The following SYNPO2 variants were observed in gnomAD, a reference collection of about 807,000 sequenced individuals.
The protein encoded by SYNPO2 is synaptopodin 2, also known as synaptopodin-2.
A neutral mutation model predicts 85.0 loss-of-function variants in SYNPO2; 56 were observed. That is an observed-to-expected ratio of 0.66 (90% CI 0.53 to 0.82). The LOEUF (loss-of-function observed/expected upper bound fraction) is 0.82, where lower values mean the gene tolerates loss of function less well. Among genes scored for constraint, SYNPO2 ranks in the 40% least tolerant of loss-of-function variants. SYNPO2 has a pLI of 0.00. For synonymous variants in SYNPO2, 602 were observed against 591.1 expected (o/e 1.02, Z -0.27); for missense variants, 1,575 against 1,534.2 (o/e 1.03, Z -0.44).
chr4:118,970,510 T>A (rs1487674553), intron 1 of SYNPO2, among the ~76,000 whole-genome samples: 1 of 152,198 alleles, frequency 6.6e-6, no homozygotes, highest in Non-Finnish European at 1.5e-5. Flanking sequence ...CTGTAATAAC[T>A]TGATACCTCC....
intron 1 of SYNPO2, among the ~76,000 whole-genome samples, chr4:118,956,944 C>G (rs1436523317): frequency 1.3e-5 from 2 of 151,838 alleles, no homozygotes; most frequent in Non-Finnish European, 2.9e-5. Flanking sequence ...ACTTGGGAGG[C>G]TGAGGCAGGA....
intron 4 of SYNPO2, among the ~76,000 whole-genome samples, chr4:119,049,829 C>T (rs555333869): frequency 5.9e-5 from 9 of 152,262 alleles, no homozygotes; most frequent in Admixed American, 2.6e-4. Flanking sequence ...TGCAGAGCCC[C>T]GGATATCTCA....
chr4:118,999,173 G>A (rs1393859190), intron 1 of SYNPO2, among the ~76,000 whole-genome samples: 1 of 152,046 alleles, frequency 6.6e-6, no homozygotes, highest in Non-Finnish European at 1.5e-5. Context: ...TTCGAGACAG[G>A]GTCTCACTCT....
intron 2 of SYNPO2, among the ~76,000 whole-genome samples, chr4:119,026,181 T>C (rs1278729519): frequency 6.6e-6 from 1 of 152,128 alleles, no homozygotes; most frequent in African/African-American, 2.4e-5. Flanking sequence ...ACTAGTTGAG[T>C]TATCTGTAAG....
chr4:118,907,555 T>C (rs943111613), intron 1 of SYNPO2, among the ~76,000 whole-genome samples: 1 of 152,198 alleles, frequency 6.6e-6, no homozygotes, highest in African/African-American at 2.4e-5. Context: ...AAAGGAGTCA[T>C]TGGTATACTT....
At chr4:119,032,675 G>A (rs192564533) in intron 4 of SYNPO2, 85 of 982,540 alleles carry the variant, frequency 8.7e-5, no homozygotes, top group Non-Finnish European at 9.7e-5. Context: ...TATGTATTAG[G>A]TTCTTTGCCA....
intron 1 of SYNPO2, among the ~76,000 whole-genome samples, chr4:118,859,499 AC>A (rs1304562871): frequency 6.6e-6 from 1 of 152,158 alleles, no homozygotes; most frequent in Non-Finnish European, 1.5e-5. Flanking sequence ...ACTAGCAAAT[AC>A]CAGGTCTTAT....
intron 1 of SYNPO2, among the ~76,000 whole-genome samples, chr4:118,976,039 T>C (rs1186400200): frequency 6.6e-6 from 1 of 152,204 alleles, no homozygotes; most frequent in Non-Finnish European, 1.5e-5. Flanking sequence ...TTTGAAATCT[T>C]TCTTGCCCAA....
intron 4 of SYNPO2, among the ~76,000 whole-genome samples, chr4:119,055,368 T>C (rs1262293218): frequency 1.3e-5 from 2 of 152,190 alleles, no homozygotes; most frequent in Non-Finnish European, 2.9e-5. Context: ...TTGGCCAGGC[T>C]GGTCTTGAAC....
intron 1 of SYNPO2, among the ~76,000 whole-genome samples, chr4:118,948,586 C>T (rs1367816507): frequency 2.0e-5 from 3 of 152,168 alleles, no homozygotes; most frequent in Admixed American, 2.0e-4. Flanking sequence ...CCAGCATCTG[C>T]TTCTGGTGAG....
intron 1 of SYNPO2, among the ~76,000 whole-genome samples, chr4:118,949,812 G>A (rs191795606): frequency 1.3e-3 from 205 of 151,952 alleles, no homozygotes; most frequent in African/African-American, 4.7e-3. Flanking sequence ...TGAACTAGGG[G>A]CTTCTACACA....
In SYNPO2 at chr4:119,030,157, A is replaced by G; in HGVS notation, c.1382A>G (p.Asn461Ser). 4.3e-6 allele frequency: 7 copies of G among 1,614,172 alleles called. No individual in the cohort carries two copies. Among genetic ancestry groups the G allele is most frequent in the Non-Finnish European group, 5.9e-6 (7 of 1,180,032 alleles). The change falls in exon 4 of 5, where the codon AAC (asparagine) becomes AGC (serine). Residue 461 changes from asparagine to serine, a missense_variant. Asn to Ser is a conservative substitution (Grantham distance 46). This residue lies in a region of SYNPO2 where 1,508 missense variants were observed against 1,446.8 expected (regional missense o/e 1.04). Transcript: ENST00000307142. The part of the protein sequence containing the change: ...SDVDDNTQVV[N>S]FDWDSGLVDI... ...GTTGACGACAACACACAAGTTGTGA[A>G]CTTTGACTGGGATTCTGGACTGGTG... is the stretch of plus-strand genomic sequence containing the variant.
intron 1 of SYNPO2, among the ~76,000 whole-genome samples, chr4:118,908,091 C>T (rs1331960102): frequency 6.6e-6 from 1 of 152,102 alleles, no homozygotes; most frequent in Non-Finnish European, 1.5e-5. Flanking sequence ...GAGATGAATA[C>T]TTTTGTATAT....
chr4:119,011,254 C>G (rs190613508), intron 1 of SYNPO2, among the ~76,000 whole-genome samples: 4 of 152,284 alleles, frequency 2.6e-5, no homozygotes, highest in African/African-American at 9.6e-5. Context: ...TGCAGCAGCA[C>G]CTGGGGTAGT....
At position 119,033,706 on chromosome 4, in the gene SYNPO2, C is replaced by T. The variant is rs116221891; in HGVS notation, c.3252+1679C>T. On this transcript the variant is annotated intron_variant, in intron 4 of 4. Transcript: ENST00000307142. ...GTCAATCTGCTATATTTTTCACTAT[C>T]CTATTAAAATATTACTGTCTCCTTT... is the stretch of plus-strand genomic sequence containing the variant. The T allele has an allele frequency of 1.4e-3, 1,330 of 985,182 alleles. 14 individuals are homozygous for T. In the African/African-American group the frequency reaches 0.022, roughly 16 times the overall value. 61.0% of individuals were successfully genotyped at this position (985,182 alleles called of 1,614,324 possible). A position where few individuals can be genotyped will look rare whatever the true frequency, so the allele number is the denominator to read the frequency against.
At chr4:118,982,136 A>G (rs144327115) in intron 1 of SYNPO2, among the ~76,000 whole-genome samples, 6 of 152,350 alleles carry the variant, frequency 3.9e-5, no homozygotes, top group African/African-American at 1.4e-4. Context: ...ATGAAGGAAT[A>G]AATGTCTAAT....
chr4:118,942,795 C>G (rs546541480), intron 1 of SYNPO2, among the ~76,000 whole-genome samples: 2 of 152,196 alleles, frequency 1.3e-5, no homozygotes, highest in South Asian at 4.2e-4. Context: ...CCCCTAACAA[C>G]AAAAAATTAT....
chr4:118,856,977 C>T (rs1209539608), intron 1 of SYNPO2, among the ~76,000 whole-genome samples: 1 of 152,028 alleles, frequency 6.6e-6, no homozygotes, highest in African/African-American at 2.4e-5. Flanking sequence ...TCAATAAAAG[C>T]TCTTTATTCA....
At position 118,875,915 on chromosome 4, in the gene SYNPO2, T is replaced by C. The variant is rs181907897; in HGVS notation, c.12+24975T>C. On this transcript the variant is annotated intron_variant, in intron 1 of 4. Coordinates refer to the SYNPO2 transcript ENST00000610556. ...TTTACATGAATGCAATTAAACCACA[T>C]ACATATATTCCACTAAACCCAAACT... Among the ~76,000 whole-genome samples the C allele has an allele frequency of 2.6e-5, 4 of 152,356 alleles. No homozygotes were observed. In the East Asian group the frequency reaches 5.8e-4, roughly 22 times the overall value.
Sources: allele counts gnomAD v4.1 joint callset (sites outside exome capture counted in the v4.1 genomes callset), GRCh38; gene constraint gnomAD v4.1.1; regional missense constraint gnomAD v4.1.1; transcripts MANE v1.5; gene names NCBI Gene and HGNC (gene_info 2026-07-23, HGNC 2026-07-21).